Variants in ADGRV1 observed in about 807,000 individuals in gnomAD.
The protein encoded by ADGRV1 is adhesion G protein-coupled receptor V1, also known as G-protein coupled receptor 98.
Under a neutral mutation model 596.2 loss-of-function variants are expected in ADGRV1, and 359 were observed. The observed-to-expected ratio is 0.60, with a 90% confidence interval of 0.55 to 0.66. The LOEUF is 0.66. Among genes scored for constraint, ADGRV1 ranks in the 30% least tolerant of loss-of-function variants. The probability of loss-of-function intolerance (pLI) is 0.00; values close to 1 mark genes in which losing one functional copy is unlikely to be tolerated. For synonymous variants in ADGRV1, 2,681 were observed against 2,679.2 expected (o/e 1.00, Z -0.02); for missense variants, 7,274 against 7,575.6 (o/e 0.96, Z 1.48).
chr5:90,704,852 C>T (rs1046204791), intron 36 of ADGRV1, among the ~76,000 whole-genome samples: 3 of 151,824 alleles, frequency 2.0e-5, no homozygotes, highest in African/African-American at 7.3e-5. Context: ...CACTCTGTCA[C>T]CAGGCTGGAG....
chr5:91,061,020 T>A (rs1787386639), intron 85 of ADGRV1, among the ~76,000 whole-genome samples: 2 of 152,156 alleles, frequency 1.3e-5, no homozygotes, highest in Admixed American at 1.3e-4. Flanking sequence ...CATAGACCCA[T>A]CCAGAATGCA....
chr5:90,921,312 G>A (rs1281250163), intron 83 of ADGRV1, among the ~76,000 whole-genome samples: 2 of 151,924 alleles, frequency 1.3e-5, no homozygotes, highest in Non-Finnish European at 2.9e-5. Flanking sequence ...TTGTTTTTAT[G>A]ACAGTCTTCC....
chr5:91,072,475 T>A lies in ADGRV1; in HGVS notation c.18181T>A (p.Leu6061Met), dbSNP rs778470053. ...LCFIPNVYAALFTAALVPLTC... is the reference protein window; with the variant it reads ...LCFIPNVYAAMFTAALVPLTC... ...TTTTATTCCAAACGTCTATGCTGCT[T>A]TGTTCACTGCAGCTCTTGTTCCTTT... The change falls in exon 86 of 90, where the codon TTG (leucine) becomes ATG (methionine). Residue 6061 changes from leucine (L) to methionine (M), a missense_variant. Physicochemically the swap from Leu to Met is conservative, Grantham distance 15 (BLOSUM62 2). This residue lies in a region of ADGRV1 where 1,874 missense variants were observed against 1,970.2 expected (regional missense o/e 0.95). Coordinates refer to ENST00000405460, the MANE Select transcript of ADGRV1 (RefSeq NM_032119.4). The A allele has an allele frequency of 1.5e-5, 24 of 1,613,622 alleles. No homozygotes were observed. Among genetic ancestry groups the A allele is most frequent in the Non-Finnish European group, 1.9e-5 (23 of 1,179,648 alleles).
chr5:90,868,648 CTTTT>C (rs35485525), intron 83 of ADGRV1, among the ~76,000 whole-genome samples: 1 of 137,214 alleles, frequency 7.3e-6, no homozygotes. Context: ...GTATGTAAGC[CTTTT>C]TTTTTTTTTT....
intron 21 of ADGRV1, among the ~76,000 whole-genome samples, chr5:90,667,965 G>C (rs1422321270): frequency 1.3e-5 from 2 of 150,926 alleles, no homozygotes; most frequent in Admixed American, 6.6e-5. Flanking sequence ...CAGTCTGCCC[G>C]TTCTCAGATC....
At chr5:91,049,210 G>A (rs924056049) in intron 85 of ADGRV1, among the ~76,000 whole-genome samples, 5 of 152,152 alleles carry the variant, frequency 3.3e-5, no homozygotes, top group Non-Finnish European at 7.3e-5. Context: ...TTACCCTAGA[G>A]TTTATGTGAC....
At chr5:90,561,669 C>T (rs1020609722) in intron 1 of ADGRV1, among the ~76,000 whole-genome samples, 9 of 150,942 alleles carry the variant, frequency 6.0e-5, no homozygotes, top group African/African-American at 2.0e-4. Context: ...TTTGATAAGT[C>T]ATTATTTTAT....
chr5:90,608,323 CAG>C (rs1762349439), intron 1 of ADGRV1, among the ~76,000 whole-genome samples: 2 of 151,996 alleles, frequency 1.3e-5, no homozygotes, highest in South Asian at 4.1e-4. Flanking sequence ...AGGGAATTTA[CAG>C]AGTGTTCATC....
chr5:91,128,957 G>A (rs1051736365), intron 87 of ADGRV1, among the ~76,000 whole-genome samples: 4 of 152,298 alleles, frequency 2.6e-5, no homozygotes, highest in East Asian at 1.9e-4. Context: ...GCCAAAAGCC[G>A]TAGTGTAAAT....
At chr5:90,872,372 G>GAT (rs1179037664) in intron 83 of ADGRV1, among the ~76,000 whole-genome samples, 1 of 151,170 alleles carries the variant, frequency 6.6e-6, no homozygotes, top group Non-Finnish European at 1.5e-5. Context: ...TTAAAAATTG[G>GAT]ATATATATAA....
At chr5:91,157,347 GA>G (rs1219351762) in intron 89 of ADGRV1, among the ~76,000 whole-genome samples, 2 of 152,124 alleles carry the variant, frequency 1.3e-5, no homozygotes, top group African/African-American at 4.8e-5. Flanking sequence ...TTTGGTGTTT[GA>G]AAATAAAACT....
intron 87 of ADGRV1, among the ~76,000 whole-genome samples, chr5:91,112,154 A>C (rs1054885103): frequency 2.6e-5 from 4 of 152,126 alleles, no homozygotes; most frequent in African/African-American, 7.2e-5. Flanking sequence ...CTTTTGTTTC[A>C]TCTGGATTCT....
At chr5:90,640,697 G>T (rs543019392) in intron 11 of ADGRV1, 1 of 152,622 alleles carries the variant, frequency 6.6e-6, no homozygotes, top group Admixed American at 6.5e-5. Flanking sequence ...CACATTACTA[G>T]CTCTTGGGAA....
At chr5:91,105,403 C>T (rs185412364) in intron 87 of ADGRV1, among the ~76,000 whole-genome samples, 9 of 152,226 alleles carry the variant, frequency 5.9e-5, no homozygotes, top group South Asian at 2.1e-4. Flanking sequence ...ATTTTTTTTA[C>T]GAACCTCCAT....
chr5:90,563,425 A>G (rs1237449460), intron 1 of ADGRV1, among the ~76,000 whole-genome samples: 1 of 152,244 alleles, frequency 6.6e-6, no homozygotes, highest in Non-Finnish European at 1.5e-5. Flanking sequence ...CTTGCCTTCA[A>G]CTGTAGGGTG....
At chr5:91,003,270 CAGGTAAACCATT>C (rs1344569529) in intron 85 of ADGRV1, among the ~76,000 whole-genome samples, 3 of 152,146 alleles carry the variant, frequency 2.0e-5, no homozygotes, top group South Asian at 2.1e-4. Flanking sequence ...GAGTGAATAC[CAGGTAAACCATT>C]AGGTAACTTG....
intron 89 of ADGRV1, among the ~76,000 whole-genome samples, chr5:91,159,699 G>GTT (rs544740972): frequency 6.8e-6 from 1 of 146,494 alleles, no homozygotes; most frequent in African/African-American, 2.5e-5. Flanking sequence ...ATTATTATTA[G>GTT]TTTTTTTTTT....
chr5:91,105,738 A>C (rs949011277), intron 87 of ADGRV1, among the ~76,000 whole-genome samples: 4 of 152,126 alleles, frequency 2.6e-5, no homozygotes, highest in African/African-American at 9.7e-5. Flanking sequence ...TAGTTTACAG[A>C]TATTTTCTCT....
intron 1 of ADGRV1, among the ~76,000 whole-genome samples, chr5:90,569,373 ATATATATATATATATTTTTTTTTT>A (rs1377691124): frequency 2.5e-4 from 5 of 20,362 alleles, no homozygotes; most frequent in South Asian, 3.9e-3. Context: ...ATATATATAT[ATATATATATATATATTTTTTTTTT>A]TTTTTTTTTT....
Sources: gnomAD v4.1 joint callset for allele counts (sites outside exome capture counted in the v4.1 genomes callset) on GRCh38, gnomAD v4.1.1 for gene constraint, gnomAD v4.1.1 regional missense constraint, MANE v1.5 for transcripts, NCBI Gene and HGNC (gene_info 2026-07-23, HGNC 2026-07-21) for gene names.